Variants in TTLL9 observed in about 807,000 individuals in gnomAD.
TTLL9 encodes the protein tubulin tyrosine ligase like 9.
Under a neutral mutation model 65.6 loss-of-function variants are expected in TTLL9, and 47 were observed. The ratio of observed to expected loss-of-function variants is 0.72; its 90% CI spans 0.57 to 0.91. The LOEUF (loss-of-function observed/expected upper bound fraction) is 0.91, where lower values mean the gene tolerates loss of function less well. Among genes scored for constraint, TTLL9 ranks in the 40% least tolerant of loss-of-function variants. The pLI, the probability that TTLL9 is intolerant of heterozygous loss-of-function variation, is 0.00. For synonymous variants in TTLL9, 179 were observed against 204.8 expected (o/e 0.87, Z 1.07); for missense variants, 537 against 568.8 (o/e 0.94, Z 0.57).
intron 2 of TTLL9, among the ~76,000 whole-genome samples, chr20:31,878,768 T>C (rs1279588319): frequency 6.6e-6 from 1 of 152,244 alleles, no homozygotes; most frequent in African/African-American, 2.4e-5. Context: ...AACCAAGGAC[T>C]CTGAACAATT....
At chr20:31,937,535 T>C in intron 13 of TTLL9, 26 bp downstream of exon 13, 6 of 1,579,744 alleles carry the variant, frequency 3.8e-6, no homozygotes, top group Non-Finnish European at 5.2e-6. Flanking sequence ...CTTGATCACA[T>C]GTCCTTGTAC....
chr20:31,879,683 G>A (rs933810592), intron 2 of TTLL9: 20 of 759,378 alleles, frequency 2.6e-5, no homozygotes, highest in Admixed American at 1.2e-4. Flanking sequence ...AGGAAGTCGG[G>A]GGACCTAGGC....
At position 31,905,245 on chromosome 20, in the gene TTLL9, GT is replaced by G. The variant is rs368476632; in HGVS notation, c.207-3337del. On this transcript the variant is annotated intron_variant, in intron 4 of 14. Transcript: ENST00000535842. ...GCCACCACGCTGGGCTAGTTTTTGT[GT>G]TTTTTTTTAGCAGAGACGGGGTTTC... 2.7e-3 allele frequency among the ~76,000 whole-genome samples: 405 copies of G among 150,968 alleles called. 3 individuals are homozygous for G. Among genetic ancestry groups the G allele is most frequent in the African/African-American group, 9.4e-3 (388 of 41,146 alleles).
chr20:31,926,454 A>G (rs1300559293), intron 10 of TTLL9, among the ~76,000 whole-genome samples: 1 of 152,186 alleles, frequency 6.6e-6, no homozygotes, highest in East Asian at 1.9e-4. Flanking sequence ...TTGTAAATTG[A>G]TTGGTATGAC....
chr20:31,887,207 C>G lies in TTLL9; in HGVS notation c.81C>G (p.Tyr27Ter), dbSNP rs775954296. ...TTTCCTCATTGCAGAACCAAAATTA[C>G]AAGGGCCATGGATTGTCAAAGGGAA... ...RCPKKLQNQN[Y>*]KGHGLSKGKE... is the part of the protein sequence containing the mutation. Residue 27 changes from tyrosine to a stop codon, truncating the protein, a stop_gained, in exon 3 of 15, where the codon TAC becomes TAG. Coordinates refer to ENST00000535842, the MANE Select transcript of TTLL9 (RefSeq NM_001008409.5). LOFTEE classifies it high-confidence loss of function. 3.7e-6 allele frequency: 6 copies of G among 1,614,072 alleles called. No individual in the cohort carries two copies. The highest frequency in any genetic ancestry group is 1.3e-5 in the African/African-American group (1 of 74,928).
chr20:31,920,128 C>T (rs1466609328), intron 7 of TTLL9, among the ~76,000 whole-genome samples, 196 bp downstream of exon 7: 1 of 152,188 alleles, frequency 6.6e-6, no homozygotes, highest in Non-Finnish European at 1.5e-5. Flanking sequence ...CACTCAATAG[C>T]TGTGTGCCCT....
Position 31,943,466 on chromosome 20 carries a change from C to T in TTLL9, c.*445C>T, listed in dbSNP as rs2064255829. 3.1e-6 allele frequency: 1 copy of T among 323,594 alleles called. No homozygotes were observed. The highest frequency in any genetic ancestry group is 3.9e-5 in the Admixed American group (1 of 25,418). 20.0% of individuals were successfully genotyped at this position (323,594 alleles called of 1,614,324 possible). ...CTCCCAAGTCAGTGCTGAAAAGGTC[C>T]TTCAGGAGCAAGAGTTTGGAGGCTA... On this transcript the variant is annotated 3_prime_UTR_variant, in exon 15 of 15. Coordinates refer to ENST00000535842, the MANE Select transcript of TTLL9 (RefSeq NM_001008409.5).
intron 3 of TTLL9, among the ~76,000 whole-genome samples, chr20:31,889,271 T>C (rs1286296273): frequency 1.3e-5 from 2 of 152,082 alleles, no homozygotes; most frequent in Non-Finnish European, 2.9e-5. Flanking sequence ...GATTGCCTTT[T>C]TTTTCTTTTT....
At chr20:31,940,252 C>T (rs952671862) in intron 14 of TTLL9, 2 of 152,192 alleles carry the variant, frequency 1.3e-5, no homozygotes, top group Non-Finnish European at 1.5e-5. Flanking sequence ...GTAAAACATA[C>T]TGACTCGTTG....
At chr20:31,881,602 CTT>C (rs5841092) in intron 2 of TTLL9, among the ~76,000 whole-genome samples, 14 of 125,218 alleles carry the variant, frequency 1.1e-4, no homozygotes, top group Non-Finnish European at 6.6e-5. Context: ...ACACATATAA[CTT>C]TTTTTTTTTT....
intron 11 of TTLL9, 111 bp from the exon 12 acceptor site, chr20:31,934,581 C>T: frequency 2.0e-6 from 2 of 1,015,076 alleles, no homozygotes; most frequent in Non-Finnish European, 2.9e-6. Flanking sequence ...AGGGCTGGGC[C>T]CCTCTTGCCC....
intron 3 of TTLL9, among the ~76,000 whole-genome samples, chr20:31,898,190 C>T (rs1302134027): frequency 6.6e-6 from 1 of 152,206 alleles, no homozygotes; most frequent in Non-Finnish European, 1.5e-5. Context: ...AAATACTTAT[C>T]ATTTCATGTA....
intron 2 of TTLL9, chr20:31,879,792 C>G (rs1285916958): frequency 6.5e-7 from 1 of 1,544,112 alleles, no homozygotes; most frequent in East Asian, 2.4e-5. Context: ...AGCGGCGGAT[C>G]CAGGCGCCTG....
chr20:31,887,221 T>A lies in TTLL9; in HGVS notation c.95T>A (p.Leu32Ter). The change falls in exon 3 of 15, where the codon TTG becomes TAG. Residue 32 changes from leucine (L) to a stop codon, truncating the protein, a stop_gained. Coordinates refer to ENST00000535842, the MANE Select transcript of TTLL9 (RefSeq NM_001008409.5). LOFTEE classifies it high-confidence loss of function. ...LQNQNYKGHG[L>*]SKGKEREQRA... ...AACCAAAATTACAAGGGCCATGGAT[T>A]GTCAAAGGGAAAAGAGCGGTGAGTG... 1 of 1,614,190 alleles carries A rather than the reference T, an allele frequency of 6.2e-7. No individual in the cohort carries two copies. The highest frequency in any genetic ancestry group is 8.5e-7 in the Non-Finnish European group (1 of 1,180,040).
chr20:31,890,100 CCCTTCCTTCCTT>C lies in TTLL9; in HGVS notation c.113+2907_113+2918del, dbSNP rs1286424316. Among the ~76,000 whole-genome samples the C allele has an allele frequency of 9.6e-4, 48 of 50,022 alleles. 3 individuals carry two copies. The highest frequency in any genetic ancestry group is 1.9e-3 in the East Asian group (4 of 2,142). 32.8% of individuals were successfully genotyped at this position (50,022 alleles called of 152,430 possible). ...TCTTGCTTTCTTGCTTTCTTTCCCT[CCCTTCCTTCCTT>C]CCTTCCTTCCTTCCTTCCTTCCTTC... is the stretch of plus-strand genomic sequence containing the variant. On this transcript the variant is annotated intron_variant, in intron 3 of 14. Coordinates refer to ENST00000535842, the MANE Select transcript of TTLL9 (RefSeq NM_001008409.5).
At chr20:31,871,570 G>C (rs2062933661) in intron 2 of TTLL9, among the ~76,000 whole-genome samples, 1 of 152,218 alleles carries the variant, frequency 6.6e-6, no homozygotes, top group Admixed American at 6.5e-5. Context: ...GAGCAGGACA[G>C]AGAGAATCCA....
chr20:31,888,951 C>G (rs1214058844), intron 3 of TTLL9, among the ~76,000 whole-genome samples: 1 of 151,994 alleles, frequency 6.6e-6, no homozygotes, highest in Admixed American at 6.6e-5. Context: ...GCCCCACTTT[C>G]AACATTGAGA....
intron 3 of TTLL9, among the ~76,000 whole-genome samples, chr20:31,890,966 CACCA>C (rs1296254263): frequency 3.3e-5 from 5 of 152,170 alleles, no homozygotes; most frequent in African/African-American, 1.2e-4. Flanking sequence ...ATGGGTGGAC[CACCA>C]ACAGTTGTGC....
chr20:31,897,424 G>A (rs2063403722), intron 3 of TTLL9, among the ~76,000 whole-genome samples: 2 of 152,158 alleles, frequency 1.3e-5, no homozygotes, highest in African/African-American at 4.8e-5. Flanking sequence ...TGTCAGTCTT[G>A]CTGACAAATA....
Sources: allele counts gnomAD v4.1 joint callset (sites outside exome capture counted in the v4.1 genomes callset), GRCh38; gene constraint gnomAD v4.1.1; transcripts MANE v1.5; gene names NCBI Gene and HGNC (gene_info 2026-07-23, HGNC 2026-07-21).